Variants in VPS13B observed in about 807,000 individuals in gnomAD.
The protein encoded by VPS13B is vacuolar protein sorting 13 homolog B.
Under a neutral mutation model 426.4 loss-of-function variants are expected in VPS13B, and 285 were observed. The ratio of observed to expected loss-of-function variants is 0.67; its 90% CI spans 0.61 to 0.74. VPS13B has a LOEUF of 0.74. Ranked by LOEUF, VPS13B falls within the 30% of genes least tolerant of loss-of-function variation. The probability of loss-of-function intolerance (pLI) is 0.00; values close to 1 mark genes in which losing one functional copy is unlikely to be tolerated. For missense variants in VPS13B, 4,537 were observed against 4,782.6 expected (o/e 0.95, Z 1.51); for synonymous variants, 1,676 against 1,676.4 (o/e 1.00, Z 0.01).
At chr8:99,764,945 AG>A (rs886952085) in intron 39 of VPS13B, among the ~76,000 whole-genome samples, 8 of 152,082 alleles carry the variant, frequency 5.3e-5, no homozygotes, top group African/African-American at 1.7e-4. Context: ...CATACTTCCT[AG>A]GGGAAAAAAA....
intron 7 of VPS13B, chr8:99,119,513 CT>C (rs1847835911): frequency 6.6e-6 from 1 of 152,210 alleles, no homozygotes; most frequent in Non-Finnish European, 1.5e-5. Flanking sequence ...CCATCTCGGG[CT>C]CCCAAAGTGC....
At chr8:99,745,948 G>C (rs1453899677) in intron 39 of VPS13B, among the ~76,000 whole-genome samples, 1 of 151,932 alleles carries the variant, frequency 6.6e-6, no homozygotes, top group African/African-American at 2.4e-5. Context: ...TCTGTGTTTA[G>C]ATTTGGTTTG....
At chr8:99,361,687 G>A (rs1190638806) in intron 19 of VPS13B, among the ~76,000 whole-genome samples, 2 of 152,094 alleles carry the variant, frequency 1.3e-5, no homozygotes, top group Non-Finnish European at 2.9e-5. Context: ...AGATTGTTTT[G>A]TAGGATTGGT....
intron 19 of VPS13B, among the ~76,000 whole-genome samples, chr8:99,360,632 T>C (rs1812510435): frequency 6.6e-6 from 1 of 152,116 alleles, no homozygotes; most frequent in Non-Finnish European, 1.5e-5. Context: ...ATACGACTTC[T>C]TAATTTATGT....
chr8:99,531,072 T>G (rs1475797105), intron 30 of VPS13B, among the ~76,000 whole-genome samples: 2 of 152,244 alleles, frequency 1.3e-5, no homozygotes, highest in African/African-American at 2.4e-5. Flanking sequence ...AAGTACCATT[T>G]GTAGTGCATT....
At position 99,157,274 on chromosome 8, in the gene VPS13B, G is replaced by GTT. The variant is rs201990551; in HGVS notation, c.2208+542_2208+543dup. ...ATTGTGTGTGTGTATGTGTGTGTGT[G>GTT]TTTTTTTTTTTTAACAAATTGAAGG... is the stretch of plus-strand genomic sequence containing the variant. On this transcript the variant is annotated intron_variant, in intron 15 of 61. Transcript: ENST00000357162. 5.8e-5 allele frequency among the ~76,000 whole-genome samples: 8 copies of GTT among 137,604 alleles called. No individual in the cohort carries two copies. The South Asian group carries it at 9.2e-4, about 16-fold the overall frequency. 90.3% of individuals were successfully genotyped at this position (137,604 alleles called of 152,430 possible).
intron 33 of VPS13B, among the ~76,000 whole-genome samples, chr8:99,595,699 G>A (rs970260300): frequency 3.3e-5 from 5 of 151,632 alleles, no homozygotes; most frequent in African/African-American, 1.2e-4. Context: ...CATAGAATCA[G>A]AGAAAATATT....
chr8:99,316,730 G>A lies in VPS13B; in HGVS notation c.2824+41476G>A, dbSNP rs151151924. The stretch of plus-strand genomic sequence containing the variant: ...TTGAATTCCATTGTTCTTTCTTAGA[G>A]GATCTATTTGAAGAGTGATTATTTA... On this transcript the variant is annotated intron_variant, in intron 19 of 61. Coordinates refer to ENST00000357162, the MANE Select transcript of VPS13B (RefSeq NM_152564.5). Among the ~76,000 whole-genome samples the A allele has an allele frequency of 2.0e-4, 30 of 152,160 alleles. 1 individual carries two copies. The highest frequency in any genetic ancestry group is 3.4e-3 in the Middle Eastern group (1 of 294).
chr8:99,555,506 A>T (rs554242977), intron 30 of VPS13B, among the ~76,000 whole-genome samples: 1 of 152,054 alleles, frequency 6.6e-6, no homozygotes, highest in East Asian at 1.9e-4. Context: ...TGTTATTTCA[A>T]CTTTTCTTCT....
intron 16 of VPS13B, among the ~76,000 whole-genome samples, chr8:99,178,790 T>C (rs1812781171): frequency 6.6e-6 from 1 of 151,856 alleles, no homozygotes; most frequent in Non-Finnish European, 1.5e-5. Context: ...CCTGGCTAAT[T>C]TTTGTATTTT....
intron 3 of VPS13B, among the ~76,000 whole-genome samples, chr8:99,051,772 A>G (rs1436074000): frequency 2.0e-5 from 3 of 152,028 alleles, no homozygotes; most frequent in Non-Finnish European, 4.4e-5. Flanking sequence ...ATTCCTAGGT[A>G]TTTCATTCTC....
chr8:99,500,804 A>G (rs1232565382), intron 25 of VPS13B, among the ~76,000 whole-genome samples: 1 of 152,238 alleles, frequency 6.6e-6, no homozygotes, highest in Non-Finnish European at 1.5e-5. Context: ...AGAACTCAAC[A>G]TATCAATGAT....
intron 43 of VPS13B, among the ~76,000 whole-genome samples, chr8:99,799,571 C>G (rs771356351): frequency 1.1e-4 from 16 of 152,154 alleles, no homozygotes; most frequent in Non-Finnish European, 1.5e-4. Flanking sequence ...AAATAAATAA[C>G]TGTAAAAATT....
chr8:99,182,176 A>C (rs1812979227), intron 16 of VPS13B, among the ~76,000 whole-genome samples: 1 of 152,236 alleles, frequency 6.6e-6, no homozygotes, highest in Non-Finnish European at 1.5e-5. Flanking sequence ...TCATCAATAA[A>C]AAATAATGAA....
intron 39 of VPS13B, among the ~76,000 whole-genome samples, chr8:99,764,902 C>T (rs906928751): frequency 1.3e-5 from 2 of 152,040 alleles, no homozygotes; most frequent in African/African-American, 2.4e-5. Flanking sequence ...CACACTTGTG[C>T]TTTGGAATCT....
At chr8:99,768,357 G>A (rs763449598) in intron 40 of VPS13B, among the ~76,000 whole-genome samples, 26 of 152,092 alleles carry the variant, frequency 1.7e-4, no homozygotes, top group Admixed American at 1.3e-3. Flanking sequence ...CTCTGTTACC[G>A]TTCTTTTTGC....
chr8:99,490,668 G>A (rs1235823249), intron 25 of VPS13B, among the ~76,000 whole-genome samples: 1 of 152,128 alleles, frequency 6.6e-6, no homozygotes, highest in Non-Finnish European at 1.5e-5. Context: ...ATTCCTTCTA[G>A]ATTTTCTAAT....
chr8:99,022,771 A>AT (rs1841960296), intron 2 of VPS13B, among the ~76,000 whole-genome samples: 1 of 152,126 alleles, frequency 6.6e-6, no homozygotes. Context: ...TTTTCACTTT[A>AT]TATATCTTAA....
In VPS13B at chr8:99,778,836, C is replaced by T; in HGVS notation, c.7584C>T (p.Asp2528=). Residue 2528 remains aspartate, a synonymous_variant, in exon 42 of 62, where the codon GAC becomes GAT. Coordinates refer to ENST00000357162, the MANE Select transcript of VPS13B (RefSeq NM_152564.5). The part of the protein sequence containing the change: ...CQEIQFLAQA[D]CKLLECRNVT... ...AGATCCAGTTCTTAGCTCAAGCAGA[C>T]TGTAAACTTCTAGAGTGCAGAAATG... The T allele has an allele frequency of 6.2e-7, 1 of 1,614,014 alleles. No homozygotes were observed.
Sources: allele counts gnomAD v4.1 joint callset (sites outside exome capture counted in the v4.1 genomes callset), GRCh38; gene constraint gnomAD v4.1.1; transcripts MANE v1.5; gene names NCBI Gene and HGNC (gene_info 2026-07-23, HGNC 2026-07-21).